XKR4: variants seen among roughly 807,000 people sequenced by gnomAD.
The protein encoded by XKR4 is XK-related protein 4.
XKR4 carries 12 observed loss-of-function variants against 53.9 expected under a neutral mutation model. The observed-to-expected ratio is 0.22, with a 90% CI of 0.14 to 0.36. The LOEUF (loss-of-function observed/expected upper bound fraction) is 0.36, where lower values mean the gene tolerates loss of function less well. XKR4 is among the 10% of genes least tolerant of loss of function. The pLI is 1.00. For missense variants in XKR4, 799 were observed against 859.5 expected, an observed-to-expected ratio of 0.93 and a Z score of 0.88; for synonymous variants, 354 against 362.4, an observed-to-expected ratio of 0.98 and a Z score of 0.26.
chr8:55,323,971 C>T (rs542687065), intron 1 of XKR4, among the ~76,000 whole-genome samples: 11 of 151,906 alleles, frequency 7.2e-5, no homozygotes, highest in Non-Finnish European at 1.5e-4. Flanking sequence ...TTTCATTCCT[C>T]TGCTAGGAAT....
At chr8:55,480,739 G>A (rs1255763017) in intron 2 of XKR4, among the ~76,000 whole-genome samples, 1 of 138,022 alleles carries the variant, frequency 7.2e-6, no homozygotes, top group Non-Finnish European at 1.5e-5. Context: ...AAAATCAAAA[G>A]CATTCTTATA....
At chr8:55,156,883 C>T (rs1816915560) in intron 1 of XKR4, among the ~76,000 whole-genome samples, 1 of 152,258 alleles carries the variant, frequency 6.6e-6, no homozygotes, top group Middle Eastern at 3.4e-3. Context: ...TCTGCATAAA[C>T]AAGTCTCTGA....
chr8:55,537,145 T>C lies in XKR4; in HGVS notation c.*12918T>C, dbSNP rs941808250. Reference sequence around the variant, plus strand: ...TAGTTTTTTGGGTTTGGTTTGTTGATGTCATGCCAATTTCCAAGCACCAAC... The same window carrying C: ...TAGTTTTTTGGGTTTGGTTTGTTGACGTCATGCCAATTTCCAAGCACCAAC... On this transcript the variant is annotated 3_prime_UTR_variant, in exon 3 of 3. Transcript: ENST00000327381. The C allele has an allele frequency of 2.6e-5, 4 of 152,246 alleles. No homozygotes were observed. Among genetic ancestry groups the C allele is most frequent in the Non-Finnish European group, 5.9e-5 (4 of 68,028 alleles). The allele number at this position is 152,246 out of a possible 1,614,324, so 9.4% of individuals were successfully genotyped here.
At chr8:55,107,478 A>T (rs1020054325) in intron 1 of XKR4, among the ~76,000 whole-genome samples, 2 of 152,194 alleles carry the variant, frequency 1.3e-5, no homozygotes, top group African/African-American at 4.8e-5. Flanking sequence ...GGATCTTTCC[A>T]ATAACACACT....
chr8:55,315,133 A>G (rs922081940), intron 1 of XKR4, among the ~76,000 whole-genome samples: 5 of 152,222 alleles, frequency 3.3e-5, no homozygotes, highest in Non-Finnish European at 5.9e-5. Context: ...CCTGAGTGGA[A>G]TGGGACAGGG....
rs1314498416 is a variant in XKR4, at chr8:55,103,305, G to A, written c.806+11G>A. The A allele has an allele frequency of 1.4e-5, 22 of 1,582,492 alleles. No homozygotes were observed. The highest frequency in any genetic ancestry group is 1.9e-5 in the Non-Finnish European group (22 of 1,161,910). On this transcript the variant is annotated intron_variant, in intron 1 of 2. Transcript: ENST00000327381. ...CGGGCAAATCTGGAGGTACTGTAAT[G>A]GGTGGGGGAAAAGGGAGGCTTGCTG... is the stretch of plus-strand genomic sequence containing the variant.
intron 1 of XKR4, among the ~76,000 whole-genome samples, chr8:55,352,846 A>C (rs1803744415): frequency 6.6e-6 from 1 of 152,220 alleles, no homozygotes; most frequent in Admixed American, 6.5e-5. Flanking sequence ...AAATATATTA[A>C]AGAGATAAAA....
At chr8:55,477,680 A>T (rs368789217) in intron 2 of XKR4, among the ~76,000 whole-genome samples, 1 of 148,686 alleles carries the variant, frequency 6.7e-6, no homozygotes, top group Non-Finnish European at 1.5e-5. Context: ...TGAATGGATA[A>T]CTAGGATAAC....
At chr8:55,359,454 A>C (rs1400490176) in intron 2 of XKR4, among the ~76,000 whole-genome samples, 1 of 152,236 alleles carries the variant, frequency 6.6e-6, no homozygotes, top group Non-Finnish European at 1.5e-5. Flanking sequence ...TGTTTTAGGA[A>C]ATGATCTGTA....
intron 2 of XKR4, among the ~76,000 whole-genome samples, chr8:55,420,851 T>G (rs1339877970): frequency 6.8e-6 from 1 of 147,456 alleles, no homozygotes; most frequent in Non-Finnish European, 1.5e-5. Flanking sequence ...TGGCTGTTGT[T>G]GCTCAGATAG....
chr8:55,462,568 A>G (rs573599751), intron 2 of XKR4, among the ~76,000 whole-genome samples: 6 of 152,306 alleles, frequency 3.9e-5, no homozygotes, highest in Admixed American at 3.9e-4. Flanking sequence ...TGCATCAACT[A>G]ACGAGCAAAA....
chr8:55,264,840 A>G (rs1818575627), intron 1 of XKR4, among the ~76,000 whole-genome samples: 1 of 152,214 alleles, frequency 6.6e-6, no homozygotes, highest in East Asian at 1.9e-4. Flanking sequence ...ATTCCTATAT[A>G]TAACACACAT....
At chr8:55,244,177 T>A (rs6982891) in intron 1 of XKR4, among the ~76,000 whole-genome samples, 116,070 of 152,118 alleles carry the variant, frequency 0.76, 47,506 homozygotes, top group Non-Finnish European at 0.92. Flanking sequence ...GGTAATAAGC[T>A]TAGTAACAGA....
chr8:55,191,011 C>T (rs1386602084), intron 1 of XKR4, among the ~76,000 whole-genome samples: 1 of 152,152 alleles, frequency 6.6e-6, no homozygotes, highest in African/African-American at 2.4e-5. Flanking sequence ...TGAGCCAGAA[C>T]CAGTTGGATC....
chr8:55,242,491 C>T (rs1818224648), intron 1 of XKR4, among the ~76,000 whole-genome samples: 1 of 152,114 alleles, frequency 6.6e-6, no homozygotes, highest in Admixed American at 6.5e-5. Context: ...AAGAAGGAAG[C>T]ATAGACAAGA....
intron 1 of XKR4, among the ~76,000 whole-genome samples, chr8:55,253,485 TTCCAACGAACCA>T (rs1818388988): frequency 6.6e-6 from 1 of 152,230 alleles, no homozygotes; most frequent in South Asian, 2.1e-4. Context: ...CCCATAATTT[TTCCAACGAACCA>T]TTGTGAAAAA....
chr8:55,446,660 T>C (rs1805352556), intron 2 of XKR4, among the ~76,000 whole-genome samples: 1 of 152,094 alleles, frequency 6.6e-6, no homozygotes, highest in South Asian at 2.1e-4. Context: ...ACTGACCAAT[T>C]TCAAGAGGGG....
intron 2 of XKR4, among the ~76,000 whole-genome samples, chr8:55,407,598 G>A (rs907637892): frequency 1.3e-5 from 2 of 152,156 alleles, no homozygotes; most frequent in Non-Finnish European, 2.9e-5. Context: ...CGGCTCCACC[G>A]GCTCCACCGC....
At chr8:55,410,089 TA>T (rs61035942) in intron 2 of XKR4, among the ~76,000 whole-genome samples, 7,555 of 142,358 alleles carry the variant, frequency 0.053, 479 homozygotes, top group African/African-American at 0.15. Context: ...CATTTGCCTT[TA>T]AAAAAAAAAA....
Sources: allele counts gnomAD v4.1 joint callset (sites outside exome capture counted in the v4.1 genomes callset), GRCh38; gene constraint gnomAD v4.1.1; transcripts MANE v1.5; gene names NCBI Gene and HGNC (gene_info 2026-07-23, HGNC 2026-07-21).